CCNY: variants seen among roughly 807,000 people sequenced by gnomAD.
CCNY encodes the protein cyclin-Y.
In CCNY, 19 loss-of-function variants were observed where a neutral mutation model predicts 42.8. That is an observed-to-expected ratio of 0.44 (90% CI 0.31 to 0.65). The LOEUF (loss-of-function observed/expected upper bound fraction) is 0.65, where lower values mean the gene tolerates loss of function less well. Ranked by LOEUF, CCNY falls within the 30% of genes least tolerant of loss-of-function variation. The pLI is 0.07. For synonymous variants in CCNY, 165 were observed against 162.7 expected, an observed-to-expected ratio of 1.01 and a Z score of -0.11; for missense variants, 370 against 437.3, an observed-to-expected ratio of 0.85 and a Z score of 1.37.
chr10:35,516,792 G>T (rs188660604), intron 4 of CCNY, among the ~76,000 whole-genome samples, 169 bp downstream of exon 4: 5 of 150,322 alleles, frequency 3.3e-5, no homozygotes, highest in African/African-American at 1.2e-4. Context: ...GGGTAGCACT[G>T]ATAATTCAGG....
At chr10:35,457,018 C>T (rs1022687298) in intron 1 of CCNY, among the ~76,000 whole-genome samples, 1 of 152,204 alleles carries the variant, frequency 6.6e-6, no homozygotes, top group Non-Finnish European at 1.5e-5. Flanking sequence ...TTATTCTCCT[C>T]TGAAAATGCG....
At chr10:35,449,843 T>C (rs1043058170) in intron 1 of CCNY, 9 of 979,674 alleles carry the variant, frequency 9.2e-6, no homozygotes, top group Admixed American at 1.2e-4. Flanking sequence ...GTGTTGGAGG[T>C]TGGGGGAGAG....
At chr10:35,424,248 C>T (rs1384421749) in intron 1 of CCNY, among the ~76,000 whole-genome samples, 9 of 151,510 alleles carry the variant, frequency 5.9e-5, no homozygotes, top group African/African-American at 2.2e-4. Context: ...CTTTTTGAGA[C>T]GGAGTTTCAC....
At chr10:35,419,471 G>C (rs971133287) in intron 1 of CCNY, among the ~76,000 whole-genome samples, 1 of 151,666 alleles carries the variant, frequency 6.6e-6, no homozygotes, top group Admixed American at 6.6e-5. Context: ...TATGACCCAG[G>C]GTATGTGCTA....
intron 1 of CCNY, among the ~76,000 whole-genome samples, chr10:35,388,231 T>G (rs933725455): frequency 2.0e-5 from 3 of 152,166 alleles, no homozygotes; most frequent in Non-Finnish European, 4.4e-5. Flanking sequence ...ATTTGTAGAG[T>G]ATATAGGTAG....
intron 7 of CCNY, among the ~76,000 whole-genome samples, chr10:35,540,495 G>A (rs1314727235): frequency 6.6e-6 from 1 of 151,532 alleles, no homozygotes; most frequent in Non-Finnish European, 1.5e-5. Flanking sequence ...ATTTGGTCTT[G>A]TGATAGCTTT....
intron 2 of CCNY, among the ~76,000 whole-genome samples, chr10:35,485,911 A>G (rs770382089): frequency 5.3e-5 from 8 of 152,154 alleles, no homozygotes; most frequent in Admixed American, 1.3e-4. Flanking sequence ...CCTCTAATGT[A>G]GTATTTCCCA....
chr10:35,543,872 A>G (rs970682234), intron 7 of CCNY, among the ~76,000 whole-genome samples: 1 of 152,208 alleles, frequency 6.6e-6, no homozygotes, highest in African/African-American at 2.4e-5. Context: ...CTCACTCTGT[A>G]TAGGTCTAGG....
At chr10:35,482,442 TTTG>T (rs1839689003) in intron 1 of CCNY, among the ~76,000 whole-genome samples, 1 of 152,210 alleles carries the variant, frequency 6.6e-6, no homozygotes, top group South Asian at 2.1e-4. Context: ...GAATCAGTTT[TTTG>T]TTTTTTGTTT....
chr10:35,534,024 C>CT (rs796729108), intron 7 of CCNY, among the ~76,000 whole-genome samples: 10,271 of 143,856 alleles, frequency 0.071, 410 homozygotes, highest in African/African-American at 0.089. Flanking sequence ...CATTGCTTAA[C>CT]TTTTTTTTTT....
At chr10:35,522,606 A>G (rs375361883) in intron 4 of CCNY, among the ~76,000 whole-genome samples, 15 of 152,182 alleles carry the variant, frequency 9.9e-5, no homozygotes, top group African/African-American at 3.6e-4. Flanking sequence ...CAGAAAGGTA[A>G]CAGCAGCTAC....
intron 1 of CCNY, among the ~76,000 whole-genome samples, chr10:35,431,096 A>G (rs2090357529): frequency 6.6e-6 from 1 of 151,324 alleles, no homozygotes; most frequent in South Asian, 2.1e-4. Context: ...CAGGCTGGTG[A>G]CAGAATGAGA....
At chr10:35,261,634 G>A (rs1009084774) in intron 3 of CCNY, among the ~76,000 whole-genome samples, 1 of 152,180 alleles carries the variant, frequency 6.6e-6, no homozygotes, top group African/African-American at 2.4e-5. Context: ...GATCCCAGGA[G>A]GTCGAGGCTA....
At chr10:35,322,443 A>G (rs1835832386) in intron 3 of CCNY, among the ~76,000 whole-genome samples, 1 of 152,154 alleles carries the variant, frequency 6.6e-6, no homozygotes, top group Admixed American at 6.6e-5. Flanking sequence ...GTTCTTAGAT[A>G]ATTGAATACA....
At chr10:35,401,686 G>T (rs890904286) in intron 1 of CCNY, among the ~76,000 whole-genome samples, 1 of 151,994 alleles carries the variant, frequency 6.6e-6, no homozygotes, top group African/African-American at 2.4e-5. Flanking sequence ...GGGTGCAGGC[G>T]GGCTGAGTCA....
At chr10:35,364,921 A>G (rs1476543781) in intron 1 of CCNY, among the ~76,000 whole-genome samples, 1 of 152,232 alleles carries the variant, frequency 6.6e-6, no homozygotes, top group Non-Finnish European at 1.5e-5. Context: ...GCATTTTCCT[A>G]GTGCTGGTTT....
intron 3 of CCNY, among the ~76,000 whole-genome samples, chr10:35,295,320 C>T (rs1835458879): frequency 6.6e-6 from 1 of 151,714 alleles, no homozygotes; most frequent in African/African-American, 2.4e-5. Flanking sequence ...CAACCTCTGC[C>T]TCCCGGGTTC....
chr10:35,382,675 G>A (rs2135195648), intron 1 of CCNY, among the ~76,000 whole-genome samples: 1 of 152,216 alleles, frequency 6.6e-6, no homozygotes, highest in Non-Finnish European at 1.5e-5. Flanking sequence ...CAGTTGTCCA[G>A]TAGTGCTGAG....
intron 1 of CCNY, among the ~76,000 whole-genome samples, chr10:35,378,055 T>G (rs868803566): frequency 1.3e-5 from 2 of 152,252 alleles, no homozygotes; most frequent in Non-Finnish European, 2.9e-5. Flanking sequence ...AATGGTAATT[T>G]ATTAAAGGTT....
Sources: gnomAD v4.1 joint callset for allele counts (sites outside exome capture counted in the v4.1 genomes callset) on GRCh38, gnomAD v4.1.1 for gene constraint, MANE v1.5 for transcripts, NCBI Gene and HGNC (gene_info 2026-07-23, HGNC 2026-07-21) for gene names.